XRCC4: variants seen among roughly 807,000 people sequenced by gnomAD.
XRCC4 encodes the protein DNA repair protein XRCC4.
XRCC4 carries 28 observed loss-of-function variants against 39.1 expected under a neutral mutation model. The ratio of observed to expected loss-of-function variants is 0.72; its 90% CI spans 0.53 to 0.98. The LOEUF is 0.98. XRCC4 is among the 50% of genes least tolerant of loss of function. The pLI, the probability that XRCC4 is intolerant of heterozygous loss-of-function variation, is 0.00. For synonymous variants in XRCC4, 123 were observed against 126.4 expected (o/e 0.97, Z 0.18); for missense variants, 350 against 376.4 (o/e 0.93, Z 0.58).
At chr5:83,087,847 AG>A (rs1260328153) in intron 1 of XRCC4, among the ~76,000 whole-genome samples, 1 of 152,124 alleles carries the variant, frequency 6.6e-6, no homozygotes, top group East Asian at 1.9e-4. Context: ...TAAAATGAAA[AG>A]CATGTACCTC....
chr5:83,177,672 G>T (rs983157169), intron 3 of XRCC4, among the ~76,000 whole-genome samples: 7 of 152,124 alleles, frequency 4.6e-5, no homozygotes, highest in African/African-American at 1.7e-4. Flanking sequence ...GATTTGTTCA[G>T]TGGTGTACAG....
At chr5:83,241,920 A>G (rs1752923889) in intron 6 of XRCC4, among the ~76,000 whole-genome samples, 1 of 150,896 alleles carries the variant, frequency 6.6e-6, no homozygotes, top group Admixed American at 6.6e-5. Flanking sequence ...TGGCATTCCC[A>G]TTGAGTTGGC....
chr5:83,128,409 T>C (rs1382255590), intron 3 of XRCC4, among the ~76,000 whole-genome samples: 1 of 152,194 alleles, frequency 6.6e-6, no homozygotes, highest in African/African-American at 2.4e-5. Flanking sequence ...GTCTTTGCTA[T>C]TGTGAATAAT....
At chr5:83,279,977 C>A in intron 7 of XRCC4, 1 of 192,540 alleles carries the variant, frequency 5.2e-6, no homozygotes, top group Non-Finnish European at 1.1e-5. Flanking sequence ...GACTATACAA[C>A]TTACATCCTC....
intron 6 of XRCC4, among the ~76,000 whole-genome samples, chr5:83,210,064 T>A (rs1751581727): frequency 6.6e-6 from 1 of 152,152 alleles, no homozygotes; most frequent in Non-Finnish European, 1.5e-5. Flanking sequence ...TGAATGGCTA[T>A]GTCCAACAGT....
At chr5:83,345,503 T>C (rs1756892596) in intron 7 of XRCC4, among the ~76,000 whole-genome samples, 1 of 152,198 alleles carries the variant, frequency 6.6e-6, no homozygotes, top group Non-Finnish European at 1.5e-5. Context: ...TTAAAATCAT[T>C]GTTTTTGTCA....
chr5:83,347,936 A>G (rs1756964563), intron 7 of XRCC4, among the ~76,000 whole-genome samples: 2 of 152,242 alleles, frequency 1.3e-5, no homozygotes. Flanking sequence ...CAAAGGGGCT[A>G]CAGGCCCCAT....
At chr5:83,279,633 A>G (rs1212239867) in intron 7 of XRCC4, among the ~76,000 whole-genome samples, 1 of 152,212 alleles carries the variant, frequency 6.6e-6, no homozygotes, top group Non-Finnish European at 1.5e-5. Context: ...TCTTTCAGGT[A>G]GTTGATAATT....
At chr5:83,192,698 T>C (rs944563576) in intron 3 of XRCC4, among the ~76,000 whole-genome samples, 2 of 152,192 alleles carry the variant, frequency 1.3e-5, no homozygotes, top group African/African-American at 4.8e-5. Flanking sequence ...AGATTATAGA[T>C]AGACTGAGGT....
At chr5:83,356,109 A>G (rs1295452025), downstream of XRCC4, among the ~76,000 whole-genome samples, 4 of 152,174 alleles carry the variant, frequency 2.6e-5, no homozygotes, top group Non-Finnish European at 1.5e-5. Flanking sequence ...TAAATATATG[A>G]AATTTAAATA....
intron 3 of XRCC4, among the ~76,000 whole-genome samples, chr5:83,184,734 G>A (rs1407694557): frequency 6.6e-6 from 1 of 151,592 alleles, no homozygotes. Context: ...ACAGCAAACA[G>A]TGATCCCAGC....
chr5:83,092,116 G>T (rs753553743), intron 1 of XRCC4, among the ~76,000 whole-genome samples: 2 of 152,142 alleles, frequency 1.3e-5, no homozygotes, highest in Non-Finnish European at 2.9e-5. Flanking sequence ...TAGTGATGGT[G>T]AGCGTTTTTT....
rs797045017 is a variant in XRCC4 at position 83,195,936 on chromosome 5, G to A, written c.482G>A (p.Arg161Gln). Residue 161 changes from arginine (R) to glutamine (Q), a missense_variant and splice_region_variant, in exon 4 of 8, where the codon CGA (arginine) becomes CAA (glutamine). Coordinates refer to ENST00000396027, the MANE Select transcript of XRCC4 (RefSeq NM_003401.5). ...AGAGATTGGAATGATGTTCAAGGAC[G>A]GTGTGTACACAGTTTGCTTGTGGTA... ...LLRDWNDVQG[R>Q]FEKCVSAKEA... is the part of the protein sequence containing the mutation. 6.2e-6 allele frequency: 10 copies of A among 1,604,776 alleles called. No individual in the cohort carries two copies. Among genetic ancestry groups the A allele is most frequent in the African/African-American group, 1.3e-5 (1 of 74,426 alleles).
intron 3 of XRCC4, among the ~76,000 whole-genome samples, chr5:83,184,183 A>T (rs999751486): frequency 1.3e-5 from 2 of 152,152 alleles, no homozygotes; most frequent in Non-Finnish European, 1.5e-5. Context: ...TAAAATTAAC[A>T]TACTAAAATT....
intron 3 of XRCC4, among the ~76,000 whole-genome samples, chr5:83,190,575 C>G (rs960718475): frequency 6.6e-6 from 1 of 152,084 alleles, no homozygotes; most frequent in Non-Finnish European, 1.5e-5. Flanking sequence ...TTTATGTAGT[C>G]TACTTTGATA....
intron 7 of XRCC4, among the ~76,000 whole-genome samples, chr5:83,283,070 T>G (rs984619277): frequency 1.3e-5 from 2 of 150,832 alleles, no homozygotes; most frequent in Non-Finnish European, 3.0e-5. Flanking sequence ...AAAAAAAGGT[T>G]TTTGCAAAAA....
intron 3 of XRCC4, among the ~76,000 whole-genome samples, chr5:83,180,954 T>A (rs1465083998): frequency 6.6e-6 from 1 of 151,930 alleles, no homozygotes; most frequent in East Asian, 1.9e-4. Flanking sequence ...TATGTATGCA[T>A]GATAATTTAA....
intron 7 of XRCC4, among the ~76,000 whole-genome samples, chr5:83,278,425 AT>A (rs1754410938): frequency 6.6e-6 from 1 of 152,188 alleles, no homozygotes. Flanking sequence ...AGTCTGGGTC[AT>A]TTATAGATAA....
chr5:83,211,187 G>A (rs1751631256), intron 6 of XRCC4, among the ~76,000 whole-genome samples: 1 of 152,216 alleles, frequency 6.6e-6, no homozygotes, highest in South Asian at 2.1e-4. Context: ...AGAACTGGGA[G>A]TCTGTGGATT....
Sources: gnomAD v4.1 joint callset for allele counts (sites outside exome capture counted in the v4.1 genomes callset) on GRCh38, gnomAD v4.1.1 for gene constraint, MANE v1.5 for transcripts, NCBI Gene and HGNC (gene_info 2026-07-23, HGNC 2026-07-21) for gene names.